Variants in ATP8A1 observed in about 807,000 individuals in gnomAD.
The protein encoded by ATP8A1 is ATPase phospholipid transporting 8A1.
In ATP8A1, 90 loss-of-function variants were observed where a neutral mutation model predicts 177.7. The observed-to-expected ratio is 0.51, with a 90% CI of 0.43 to 0.60. The LOEUF is 0.60. Among genes scored for constraint, ATP8A1 ranks in the 20% least tolerant of loss-of-function variants. The probability of loss-of-function intolerance (pLI) is 0.00; values close to 1 mark genes in which losing one functional copy is unlikely to be tolerated. For missense variants in ATP8A1, 1,072 were observed against 1,392.8 expected (o/e 0.77, Z 3.67); for synonymous variants, 493 against 485.9 (o/e 1.01, Z -0.19).
chr4:42,540,745 A>AG (rs1421780994), intron 20 of ATP8A1, among the ~76,000 whole-genome samples: 3 of 152,148 alleles, frequency 2.0e-5, no homozygotes, highest in African/African-American at 7.2e-5. Context: ...GATCACATAG[A>AG]GGTAGAAAGT....
At chr4:42,655,672 C>T (rs868304875) in intron 1 of ATP8A1, among the ~76,000 whole-genome samples, 21 of 152,222 alleles carry the variant, frequency 1.4e-4, no homozygotes, top group African/African-American at 4.3e-4. Context: ...AATCTTGCTT[C>T]GTCTTCTCCC....
chr4:42,412,107 TAC>T lies in ATP8A1; in HGVS notation c.*807_*808del, dbSNP rs1443214365. 5.9e-5 allele frequency: 9 copies of T among 152,256 alleles called. 1 individual carries two copies. The highest frequency in any genetic ancestry group is 2.2e-4 in the African/African-American group (9 of 41,562). The allele number at this position is 152,256 out of a possible 1,614,324, so 9.4% of individuals were successfully genotyped here. ...AACTTCATCAGAAATACCTGAAACATACATAGTTTGAAAAATCAGTGTCATAA... is the reference window on the plus strand; with the variant it reads ...AACTTCATCAGAAATACCTGAAACATATAGTTTGAAAAATCAGTGTCATAA... On this transcript the variant is annotated 3_prime_UTR_variant, in exon 37 of 37. Transcript: ENST00000381668.
chr4:42,541,527 C>G (rs549155628), intron 20 of ATP8A1, among the ~76,000 whole-genome samples: 2 of 152,284 alleles, frequency 1.3e-5, no homozygotes, highest in Middle Eastern at 3.4e-3. Flanking sequence ...TTGGTATTTA[C>G]CCAAATGAGA....
At chr4:42,423,196 T>C (rs1242254381) in intron 34 of ATP8A1, among the ~76,000 whole-genome samples, 1 of 152,144 alleles carries the variant, frequency 6.6e-6, no homozygotes, top group Non-Finnish European at 1.5e-5. Flanking sequence ...TTTTAAAATT[T>C]ATAACCCTTG....
intron 6 of ATP8A1, chr4:42,594,330 G>A: frequency 1.2e-6 from 2 of 1,602,366 alleles, no homozygotes; most frequent in Non-Finnish European, 1.7e-6. Flanking sequence ...TATACTCTTT[G>A]CCTTTTATTA....
intron 36 of ATP8A1, among the ~76,000 whole-genome samples, chr4:42,413,229 ATTC>A (rs1238827527): frequency 6.6e-6 from 1 of 152,142 alleles, no homozygotes; most frequent in Non-Finnish European, 1.5e-5. Flanking sequence ...GATTCTAGGT[ATTC>A]TTCTCTCTAG....
chr4:42,423,459 T>G (rs1486562515), intron 34 of ATP8A1, among the ~76,000 whole-genome samples, 158 bp downstream of exon 34: 2 of 152,230 alleles, frequency 1.3e-5, no homozygotes, highest in Admixed American at 1.3e-4. Flanking sequence ...TAAACTAGTT[T>G]TCTAGTTCCT....
chr4:42,608,363 A>ATTTTTT (rs748536968), intron 5 of ATP8A1, among the ~76,000 whole-genome samples: 30,126 of 138,066 alleles, frequency 0.22, 3,698 homozygotes, highest in Non-Finnish European at 0.29. Context: ...CAATAATATC[A>ATTTTTT]TTTTTTTTTT....
intron 27 of ATP8A1, among the ~76,000 whole-genome samples, chr4:42,462,126 A>G (rs1411378712): frequency 1.3e-5 from 2 of 152,242 alleles, no homozygotes; most frequent in Non-Finnish European, 2.9e-5. Flanking sequence ...AAAAATTTGC[A>G]GCCTGACAAT....
intron 13 of ATP8A1, among the ~76,000 whole-genome samples, chr4:42,574,917 C>T (rs762246797): frequency 3.6e-4 from 55 of 152,152 alleles, no homozygotes; most frequent in Non-Finnish European, 6.8e-4. Context: ...TAAAGACTAT[C>T]ACCATACTAG....
chr4:42,506,873 G>T, intron 23 of ATP8A1, 143 bp downstream of exon 23: 1 of 962,546 alleles, frequency 1.0e-6, no homozygotes, highest in Non-Finnish European at 1.5e-6. Context: ...GGGAGGCAGA[G>T]ATGCAATGGT....
intron 23 of ATP8A1, 25 bp from the exon 24 acceptor site, chr4:42,503,539 A>G: frequency 6.9e-7 from 1 of 1,455,846 alleles, no homozygotes; most frequent in Non-Finnish European, 9.5e-7. Context: ...AGAGTATATT[A>G]AAATTAATTT....
chr4:42,645,181 A>G (rs777372951), intron 1 of ATP8A1, among the ~76,000 whole-genome samples: 3 of 152,262 alleles, frequency 2.0e-5, no homozygotes, highest in Non-Finnish European at 2.9e-5. Flanking sequence ...AGAATTTTAA[A>G]GAAAGTCTTC....
intron 1 of ATP8A1, among the ~76,000 whole-genome samples, chr4:42,634,665 C>A (rs768237639): frequency 6.6e-6 from 1 of 152,174 alleles, no homozygotes; most frequent in Admixed American, 6.6e-5. Context: ...TAGCTACCTA[C>A]GCTCTTACAA....
chr4:42,457,679 C>T (rs962916767), intron 27 of ATP8A1, among the ~76,000 whole-genome samples: 4 of 152,170 alleles, frequency 2.6e-5, no homozygotes, highest in Non-Finnish European at 4.4e-5. Context: ...TTAGTAAATA[C>T]GAATGGTCCC....
At chr4:42,517,915 A>G (rs946255824) in intron 22 of ATP8A1, among the ~76,000 whole-genome samples, 1 of 152,164 alleles carries the variant, frequency 6.6e-6, no homozygotes, top group Non-Finnish European at 1.5e-5. Flanking sequence ...TTCACTTTCC[A>G]TATCCTCCTT....
At chr4:42,655,814 T>C (rs1435917025) in intron 1 of ATP8A1, among the ~76,000 whole-genome samples, 2 of 152,212 alleles carry the variant, frequency 1.3e-5, no homozygotes, top group Non-Finnish European at 1.5e-5. Context: ...CTAACTTATA[T>C]ATTTTTCTAA....
chr4:42,594,510 T>C (rs926400201), intron 6 of ATP8A1: 4 of 584,302 alleles, frequency 6.8e-6, no homozygotes, highest in Non-Finnish European at 1.2e-5. Context: ...GAAAATTATC[T>C]AGGAGTGAGA....
At chr4:42,551,506 G>A (rs1245964095) in intron 17 of ATP8A1, among the ~76,000 whole-genome samples, 2 of 152,078 alleles carry the variant, frequency 1.3e-5, no homozygotes, top group African/African-American at 2.4e-5. Flanking sequence ...TTACATTTCC[G>A]AAATGTCAAG....
Sources: allele counts gnomAD v4.1 joint callset (sites outside exome capture counted in the v4.1 genomes callset), GRCh38; gene constraint gnomAD v4.1.1; transcripts MANE v1.5; gene names NCBI Gene and HGNC (gene_info 2026-07-23, HGNC 2026-07-21).